The following FLT3 variants were observed in gnomAD, a reference collection of about 807,000 sequenced individuals.
FLT3 encodes receptor-type tyrosine-protein kinase FLT3.
In FLT3, 46 loss-of-function variants were observed where a neutral mutation model predicts 126.6. That is an observed-to-expected ratio of 0.36 (90% CI 0.29 to 0.46). The LOEUF is 0.46. FLT3 is among the 20% of genes least tolerant of loss of function. The probability of loss-of-function intolerance (pLI) is 1.00; values close to 1 mark genes in which losing one functional copy is unlikely to be tolerated. For missense variants in FLT3, 1,069 were observed against 1,190.3 expected (o/e 0.90, Z 1.50); for synonymous variants, 404 against 434.4 (o/e 0.93, Z 0.87).
intron 18 of FLT3, among the ~76,000 whole-genome samples, chr13:28,024,660 G>C (rs1230520674): frequency 6.6e-6 from 1 of 152,142 alleles, no homozygotes; most frequent in East Asian, 1.9e-4. Flanking sequence ...TGAATAATCT[G>C]ACCAAATAAA....
At position 28,023,388 on chromosome 13, in the gene FLT3, G is replaced by C. The variant is rs1872562520; in HGVS notation, c.2380C>G (p.Gln794Glu). ...AGAAATTCCATTCCTTTGGCAACTT[G>C]ATATGCAAAGCAAAGAAGATCTTCA... ...TFEDLLCFAY[Q>E]VAKGMEFLEF... Residue 794 changes from glutamine to glutamate, a missense_variant, in exon 19 of 24, where the codon CAA (glutamine) becomes GAA (glutamate). Transcript: ENST00000241453. The C allele has an allele frequency of 1.9e-6, 3 of 1,613,740 alleles. No homozygotes were observed. The highest frequency in any genetic ancestry group is 2.2e-5 in the East Asian group (1 of 44,870).
At chr13:28,096,531 G>T (rs1879461634) in intron 1 of FLT3, among the ~76,000 whole-genome samples, 1 of 151,808 alleles carries the variant, frequency 6.6e-6, no homozygotes, top group Non-Finnish European at 1.5e-5. Flanking sequence ...CTGCCTCCCA[G>T]GCTCAAGTGA....
At chr13:28,062,182 C>T in intron 2 of FLT3, 113 bp from the exon 3 acceptor site, 2 of 717,306 alleles carry the variant, frequency 2.8e-6, no homozygotes, top group Non-Finnish European at 2.4e-6. Context: ...GCACGCAACA[C>T]CCACACAAGC....
intron 15 of FLT3, among the ~76,000 whole-genome samples, chr13:28,028,763 CTTTTT>C (rs56181669): frequency 7.1e-6 from 1 of 140,076 alleles, no homozygotes; most frequent in Non-Finnish European, 1.5e-5. Context: ...TCTCCTTTTT[CTTTTT>C]TTTTTTTCCT....
chr13:28,088,885 G>A (rs1413102061), intron 1 of FLT3, among the ~76,000 whole-genome samples: 1 of 152,004 alleles, frequency 6.6e-6, no homozygotes, highest in Non-Finnish European at 1.5e-5. Flanking sequence ...ACCCAGCCCA[G>A]AAAACATTCT....
intron 19 of FLT3, among the ~76,000 whole-genome samples, chr13:28,021,896 C>T (rs1360864758): frequency 2.0e-5 from 3 of 151,774 alleles, no homozygotes; most frequent in African/African-American, 7.3e-5. Context: ...GCGCCCGCCA[C>T]CACACTCGGC....
Position 28,100,410 on chromosome 13 carries a change from C to T in FLT3, c.43+58G>A. The T allele has an allele frequency of 1.7e-6, 2 of 1,178,590 alleles. No homozygotes were observed. Among genetic ancestry groups the T allele is most frequent in the East Asian group, 3.3e-5 (1 of 29,904 alleles). 73.0% of individuals were successfully genotyped at this position (1,178,590 alleles called of 1,614,324 possible). On this transcript the variant is annotated intron_variant, in intron 1 of 23. Transcript: ENST00000241453. This position sits in a 1 kb window ranked among gnomAD's most constrained non-coding sequence, Gnocchi z 4.8. ...GAGGAGGCGCGCGCCCGGGTCCACA[C>T]TGCGGGGTGGGGGCTGAGGGACCGC...
intron 15 of FLT3, among the ~76,000 whole-genome samples, chr13:28,030,689 G>A (rs1199012370): frequency 6.6e-6 from 1 of 151,666 alleles, no homozygotes. Flanking sequence ...AAAATAGCAA[G>A]AGCTTGTCTC....
chr13:28,065,611 C>T (rs374547487), intron 2 of FLT3, among the ~76,000 whole-genome samples: 20 of 150,908 alleles, frequency 1.3e-4, no homozygotes, highest in African/African-American at 4.9e-4. Context: ...CACTGCACTC[C>T]AGCCTGGACA....
intron 18 of FLT3, 149 bp from the exon 19 acceptor site, chr13:28,023,626 C>T: frequency 1.2e-6 from 1 of 823,208 alleles, no homozygotes; most frequent in East Asian, 2.6e-5. Flanking sequence ...TAGAGATGAC[C>T]TGTTTATGCT....
chr13:28,037,804 C>T (rs981472124), intron 9 of FLT3, among the ~76,000 whole-genome samples: 4 of 152,102 alleles, frequency 2.6e-5, no homozygotes, highest in Non-Finnish European at 5.9e-5. Flanking sequence ...AGAGCTTTAC[C>T]GCTTCCTGTC....
Position 28,014,548 on chromosome 13 carries a change from T to A in FLT3, c.2763A>T (p.Ile921=). The change falls in exon 23 of 24, where the codon ATA becomes ATT. Residue 921 remains isoleucine, a synonymous_variant. Coordinates refer to ENST00000241453, the MANE Select transcript of FLT3 (RefSeq NM_004119.3). The part of the protein sequence containing the change: ...PFYATEEIYI[I]MQSCWAFDSR... ...AGTCAAAAGCCCAGCAGGATTGCAT[T>A]ATAATGTATCTGTAAAAGCAATAGA... The A allele has an allele frequency of 4.3e-6, 7 of 1,610,940 alleles. No individual in the cohort carries two copies. Among genetic ancestry groups the A allele is most frequent in the Non-Finnish European group, 5.9e-6 (7 of 1,177,172 alleles).
chr13:28,091,295 C>T (rs969578449), intron 1 of FLT3, among the ~76,000 whole-genome samples: 3 of 130,024 alleles, frequency 2.3e-5, no homozygotes, highest in Admixed American at 1.8e-4. Context: ...GATCTCGGCT[C>T]ACTGCAAGCT....
In FLT3 at chr13:28,052,668, A is replaced by G. The variant is rs1241614843; in HGVS notation, c.491T>C (p.Leu164Pro). 14 of 1,601,306 alleles carry G rather than the reference A, an allele frequency of 8.7e-6. 1 individual carries two copies. The South Asian group carries it at 1.4e-4, about 16-fold the overall frequency. Reference sequence around the variant, plus strand: ...GTAAGGTCTTCTTAATGTGTAAAGCAGGGTATCTAAAGCATCATAAGTTAT... The same window carrying G: ...GTAAGGTCTTCTTAATGTGTAAAGCGGGGTATCTAAAGCATCATAAGTTAT... ...ILFTVSIRNTLLYTLRRPYFR... is the reference protein window; with the variant it reads ...ILFTVSIRNTPLYTLRRPYFR... The change falls in exon 5 of 24, where the codon CTG becomes CCG. Residue 164 changes from leucine to proline, a missense_variant. Leu to Pro is a moderately conservative substitution (Grantham distance 98). Coordinates refer to ENST00000241453, the MANE Select transcript of FLT3 (RefSeq NM_004119.3).
chr13:28,066,720 A>G (rs996914658), intron 2 of FLT3, among the ~76,000 whole-genome samples: 1 of 152,210 alleles, frequency 6.6e-6, no homozygotes, highest in Non-Finnish European at 1.5e-5. Context: ...CTTACAAAGC[A>G]TTCCAATTAA....
At chr13:28,091,202 A>ATTTTTTTTT (rs1216841402) in intron 1 of FLT3, among the ~76,000 whole-genome samples, 1 of 34,144 alleles carries the variant, frequency 2.9e-5, no homozygotes, top group African/African-American at 1.2e-4. Flanking sequence ...TTTGGGCCCC[A>ATTTTTTTTT]TTTTCTTTTT....
At chr13:28,050,964 T>G (rs749710419) in intron 5 of FLT3, among the ~76,000 whole-genome samples, 16 of 152,256 alleles carry the variant, frequency 1.1e-4, no homozygotes, top group Non-Finnish European at 1.9e-4. Context: ...TACTTAGTAT[T>G]GGCTAGGCAC....
intron 2 of FLT3, among the ~76,000 whole-genome samples, chr13:28,067,253 C>T (rs1304581446): frequency 6.6e-6 from 1 of 152,210 alleles, no homozygotes; most frequent in African/African-American, 2.4e-5. Context: ...GAACTCCCAA[C>T]CTCAGGTGAT....
intron 5 of FLT3, among the ~76,000 whole-genome samples, chr13:28,051,996 G>C (rs1158166419): frequency 1.3e-5 from 2 of 151,880 alleles, no homozygotes; most frequent in Non-Finnish European, 2.9e-5. Context: ...CAGTTGATTT[G>C]AGGGGTTCCA....
Sources: allele counts gnomAD v4.1 joint callset (sites outside exome capture counted in the v4.1 genomes callset), GRCh38; gene constraint gnomAD v4.1.1; non-coding constraint Gnocchi (gnomAD v3.1); transcripts MANE v1.5; gene names NCBI Gene and HGNC (gene_info 2026-07-23, HGNC 2026-07-21).